The following VPS8 variants were observed in gnomAD, a reference collection of about 807,000 sequenced individuals.
VPS8 encodes vacuolar protein sorting-associated protein 8 homolog.
A neutral mutation model predicts 216.4 loss-of-function variants in VPS8; 129 were observed. That is an observed-to-expected ratio of 0.60 (90% CI 0.52 to 0.69). The LOEUF (loss-of-function observed/expected upper bound fraction) is 0.69, where lower values mean the gene tolerates loss of function less well. VPS8 is among the 30% of genes least tolerant of loss of function. The pLI is 0.00. For missense variants in VPS8, 1,531 were observed against 1,683.5 expected (o/e 0.91, Z 1.59); for synonymous variants, 571 against 565.4 (o/e 1.01, Z -0.14).
chr3:184,898,211 T>G (rs534517263), intron 23 of VPS8, among the ~76,000 whole-genome samples: 3 of 152,304 alleles, frequency 2.0e-5, no homozygotes, highest in Admixed American at 6.5e-5. Flanking sequence ...TGGATTTATC[T>G]TATCTAACAC....
At chr3:184,993,642 C>A (rs1455308935) in intron 42 of VPS8, among the ~76,000 whole-genome samples, 5 of 152,050 alleles carry the variant, frequency 3.3e-5, no homozygotes, top group Admixed American at 3.3e-4. Context: ...CCTGAGTACA[C>A]TGGTTTTAAT....
At position 184,955,560 on chromosome 3, in the gene VPS8, G is replaced by A. The variant is rs1263150503; in HGVS notation, c.3036-1814G>A. Among the ~76,000 whole-genome samples the A allele has an allele frequency of 4.6e-5, 7 of 151,694 alleles. No homozygotes were observed. The South Asian group carries it at 6.3e-4, about 14-fold the overall frequency. ...GTTTGAGGCCACTGCTGGTCTCCGC[G>A]TCTTGGTGGTAGTGGTTCCCCGGGC... On this transcript the variant is annotated intron_variant, in intron 36 of 47. Transcript: ENST00000625842.
At chr3:185,049,318 G>T (rs945593424) in intron 47 of VPS8, among the ~76,000 whole-genome samples, 3 of 152,120 alleles carry the variant, frequency 2.0e-5, no homozygotes, top group Non-Finnish European at 4.4e-5. Flanking sequence ...TGTACTCATC[G>T]CTTTCTCGAC....
intron 22 of VPS8, among the ~76,000 whole-genome samples, chr3:184,888,008 G>A (rs1035385618): frequency 6.8e-6 from 1 of 147,588 alleles, no homozygotes; most frequent in Non-Finnish European, 1.5e-5. Context: ...TTTTTTTGGA[G>A]ACAGAATCTC....
Position 185,018,644 on chromosome 3 carries a change from TC to T in VPS8, c.4003-5691del, listed in dbSNP as rs1180487307. Among the ~76,000 whole-genome samples, 3 of 152,204 alleles carry T rather than the reference TC, an allele frequency of 2.0e-5. 1 individual carries two copies. The highest frequency in any genetic ancestry group is 4.4e-5 in the Non-Finnish European group (3 of 68,028). Reference sequence around the variant, plus strand: ...ATCATCTGACTGGAAACAGCAACCTTCTTTAACAGTCCCATTACAAGAGGAG... The same window carrying T: ...ATCATCTGACTGGAAACAGCAACCTTTTTAACAGTCCCATTACAAGAGGAG... On this transcript the variant is annotated intron_variant, in intron 45 of 47. Transcript: ENST00000625842.
intron 36 of VPS8, among the ~76,000 whole-genome samples, chr3:184,948,770 A>G (rs1744140215): frequency 6.6e-6 from 1 of 152,184 alleles, no homozygotes; most frequent in South Asian, 2.1e-4. Context: ...ATGGCCCCTT[A>G]AAGTTAACCT....
At chr3:184,966,276 A>C (rs983881623) in intron 38 of VPS8, among the ~76,000 whole-genome samples, 4 of 152,206 alleles carry the variant, frequency 2.6e-5, no homozygotes, top group Non-Finnish European at 5.9e-5. Flanking sequence ...GCACCAAGCC[A>C]TTCGTGACAG....
At position 184,886,585 on chromosome 3, in the gene VPS8, C is replaced by CTT. The variant is rs554512208; in HGVS notation, c.1781+440_1781+441dup. Among the ~76,000 whole-genome samples the CTT allele has an allele frequency of 4.5e-3, 657 of 145,532 alleles. 7 individuals are homozygous for CTT. Among genetic ancestry groups the CTT allele is most frequent in the African/African-American group, 0.015 (615 of 39,948 alleles). ...CATTCTTCTTTTTTTGGTATATATA[C>CTT]TTTTTTTTTTTTGAGACGGAATCTC... On this transcript the variant is annotated intron_variant, in intron 22 of 47. Coordinates refer to ENST00000625842, the MANE Select transcript of VPS8 (RefSeq NM_001009921.3).
At chr3:185,010,965 C>CTCCA (rs1754933265) in intron 45 of VPS8, among the ~76,000 whole-genome samples, 1 of 152,036 alleles carries the variant, frequency 6.6e-6, no homozygotes, top group South Asian at 2.1e-4. Context: ...TTCCATGGGA[C>CTCCA]TCCAGCCTGG....
intron 5 of VPS8, among the ~76,000 whole-genome samples, chr3:184,835,754 A>G (rs146133329): frequency 0.096 from 14,193 of 148,486 alleles, 733 homozygotes; most frequent in African/African-American, 0.12. Context: ...CTGTCGCCCA[A>G]GCTGGAGTGC....
At chr3:184,994,970 G>A (rs184793421) in intron 43 of VPS8, among the ~76,000 whole-genome samples, 244 of 152,260 alleles carry the variant, frequency 1.6e-3, no homozygotes, top group African/African-American at 1.7e-3. Flanking sequence ...TTATAATACC[G>A]TCTGCTCTTG....
At chr3:185,025,383 C>T (rs1413334232) in intron 46 of VPS8, among the ~76,000 whole-genome samples, 1 of 152,180 alleles carries the variant, frequency 6.6e-6, no homozygotes, top group African/African-American at 2.4e-5. Context: ...TTTCAGCCAG[C>T]ATCCATATCA....
intron 28 of VPS8, among the ~76,000 whole-genome samples, chr3:184,919,322 A>G (rs1026190567): frequency 1.3e-5 from 2 of 152,258 alleles, no homozygotes; most frequent in African/African-American, 4.8e-5. Context: ...ATTTCTCAGA[A>G]TCAAATGAAC....
chr3:184,964,512 G>A lies in VPS8; in HGVS notation c.3228G>A (p.Leu1076=). 1 of 1,516,804 alleles carries A rather than the reference G, an allele frequency of 6.6e-7. No homozygotes were observed. Among genetic ancestry groups the A allele is most frequent in the Non-Finnish European group, 8.9e-7 (1 of 1,126,920 alleles). 94.0% of individuals were successfully genotyped at this position (1,516,804 alleles called of 1,614,324 possible). ...TTCATGAAGTCACCGCTTATCTATT[G>A]GAAAAGAAAGGAGATATTCATGGTG... ...YQLHEVTAYL[L]EKKGDIHGAF... The change falls in exon 38 of 48, where the codon TTG becomes TTA. Residue 1076 remains leucine (L), a synonymous_variant. Transcript: ENST00000625842.
chr3:185,000,627 G>C (rs921457369), intron 45 of VPS8, among the ~76,000 whole-genome samples: 2 of 41,280 alleles, frequency 4.8e-5, no homozygotes, highest in Admixed American at 2.1e-4. Context: ...TTTTTTTTTT[G>C]AGATGCAGTC....
At chr3:184,998,571 G>GA in intron 44 of VPS8, among the ~76,000 whole-genome samples, 1 of 137,628 alleles carries the variant, frequency 7.3e-6, no homozygotes, top group South Asian at 2.4e-4. Context: ...GAAGAAAAAA[G>GA]AAAAAGAGTA....
chr3:184,895,929 T>C (rs1733389182), intron 23 of VPS8, among the ~76,000 whole-genome samples: 1 of 151,660 alleles, frequency 6.6e-6, no homozygotes, highest in Admixed American at 6.6e-5. Context: ...CCACTGAGCC[T>C]GGCCCACAAT....
intron 13 of VPS8, among the ~76,000 whole-genome samples, chr3:184,854,701 A>G (rs1054885052): frequency 2.0e-5 from 3 of 152,188 alleles, no homozygotes; most frequent in African/African-American, 2.4e-5. Flanking sequence ...CAGCTTTGGC[A>G]CTGAACTATG....
chr3:184,978,814 C>T (rs1749734340), intron 40 of VPS8, among the ~76,000 whole-genome samples: 1 of 152,136 alleles, frequency 6.6e-6, no homozygotes, highest in East Asian at 1.9e-4. Context: ...TTCAGTTCAA[C>T]TCTGATTTTG....
Sources: gnomAD v4.1 joint callset for allele counts (sites outside exome capture counted in the v4.1 genomes callset) on GRCh38, gnomAD v4.1.1 for gene constraint, MANE v1.5 for transcripts, NCBI Gene and HGNC (gene_info 2026-07-23, HGNC 2026-07-21) for gene names.